Variants in PTPRC observed in about 807,000 individuals in gnomAD.
The protein encoded by PTPRC is protein tyrosine phosphatase receptor type C.
A neutral mutation model predicts 155.9 loss-of-function variants in PTPRC; 44 were observed. The observed-to-expected ratio is 0.28, with a 90% CI of 0.22 to 0.36. PTPRC has a LOEUF of 0.36. Among genes scored for constraint, PTPRC ranks in the 10% least tolerant of loss-of-function variants. PTPRC has a pLI of 1.00. For missense variants in PTPRC, 1,401 were observed against 1,564.6 expected (o/e 0.90, Z 1.76); for synonymous variants, 525 against 533.1 (o/e 0.98, Z 0.21).
intron 27 of PTPRC, among the ~76,000 whole-genome samples, chr1:198,748,776 C>T (rs1255684462): frequency 6.6e-6 from 1 of 151,602 alleles, no homozygotes; most frequent in African/African-American, 2.4e-5. Flanking sequence ...CTAAAATTAG[C>T]ATGGATAAAA....
intron 11 of PTPRC, among the ~76,000 whole-genome samples, chr1:198,712,144 T>G (rs1436570588): frequency 2.6e-5 from 4 of 152,240 alleles, no homozygotes; most frequent in Admixed American, 2.0e-4. Flanking sequence ...CAATAACTAC[T>G]GATAATTTTT....
At chr1:198,639,428 G>T in intron 2 of PTPRC, 87 bp downstream of exon 2, 2 of 1,079,114 alleles carry the variant, frequency 1.9e-6, no homozygotes, top group Non-Finnish European at 1.4e-6. Context: ...ATTTAAATGT[G>T]TTGGTAACTG....
At chr1:198,682,584 A>C (rs959065880) in intron 2 of PTPRC, among the ~76,000 whole-genome samples, 2 of 152,102 alleles carry the variant, frequency 1.3e-5, no homozygotes, top group Non-Finnish European at 2.9e-5. Context: ...TTCTATGGGG[A>C]GCTTCATTTA....
intron 25 of PTPRC, among the ~76,000 whole-genome samples, 194 bp downstream of exon 25, chr1:198,742,561 T>A (rs957428840): frequency 6.6e-6 from 1 of 151,836 alleles, no homozygotes; most frequent in Non-Finnish European, 1.5e-5. Flanking sequence ...AAAAGTACTG[T>A]GGAAGAAAGA....
intron 2 of PTPRC, among the ~76,000 whole-genome samples, chr1:198,651,292 TTGTGTGTG>T (rs67899145): frequency 6.8e-6 from 1 of 147,796 alleles, no homozygotes; most frequent in African/African-American, 2.5e-5. Flanking sequence ...CAGATTGGGA[TTGTGTGTG>T]TGTGTGTGTG....
At chr1:198,693,729 G>T (rs951794651) in intron 3 of PTPRC, among the ~76,000 whole-genome samples, 48 of 152,308 alleles carry the variant, frequency 3.2e-4, no homozygotes, top group African/African-American at 1.1e-3. Context: ...ATTGGCAATT[G>T]AGTCAGGTTT....
At chr1:198,708,687 A>G (rs10919559) in intron 10 of PTPRC, among the ~76,000 whole-genome samples, 2,021 of 152,358 alleles carry the variant, frequency 0.013, 51 homozygotes, top group African/African-American at 0.046. Context: ...TCCATCCTGC[A>G]TCAACAAAAT....
intron 17 of PTPRC, among the ~76,000 whole-genome samples, chr1:198,730,920 C>T (rs1654355893): frequency 6.6e-6 from 1 of 152,138 alleles, no homozygotes; most frequent in Non-Finnish European, 1.5e-5. Context: ...GAAACACTAT[C>T]AGTAGTACAT....
chr1:198,739,952 T>C (rs777402050), intron 23 of PTPRC, among the ~76,000 whole-genome samples: 28 of 151,852 alleles, frequency 1.8e-4, no homozygotes, highest in Non-Finnish European at 3.4e-4. Context: ...GAGTGAACAA[T>C]ATATTCCTCA....
At chr1:198,655,776 A>T (rs1663530780) in intron 2 of PTPRC, among the ~76,000 whole-genome samples, 2 of 152,072 alleles carry the variant, frequency 1.3e-5, no homozygotes, top group Non-Finnish European at 2.9e-5. Flanking sequence ...ACATTTACCC[A>T]ACCTGCTCTG....
rs529507326 is a variant in PTPRC, at chr1:198,725,296, A to G, written c.1720+2820A>G. ...TGTTTTCCTTAAAAGCTTGGTTCTT[A>G]TTGGTAGTCTAGTCATAGTCACAGT... is the stretch of plus-strand genomic sequence containing the variant. On this transcript the variant is annotated intron_variant, in intron 15 of 32. Transcript: ENST00000442510. Among the ~76,000 whole-genome samples the G allele has an allele frequency of 3.3e-5, 5 of 152,168 alleles. No individual in the cohort carries two copies. The South Asian group carries it at 1.0e-3, about 32-fold the overall frequency.
Position 198,735,213 on chromosome 1 carries a change from A to T in PTPRC, c.2364A>T (p.Arg788Ser). The T allele has an allele frequency of 6.2e-7, 1 of 1,604,260 alleles. No individual in the cohort carries two copies. The highest frequency in any genetic ancestry group is 8.5e-7 in the Non-Finnish European group (1 of 1,174,090). ...DVVVKINQHK[R>S]CPDYIIQKLN... Reference sequence around the variant, plus strand: ...TTGTAAAGATCAACCAGCACAAAAGATGTCCAGATTACATCATTCAGAAAT... The same window carrying T: ...TTGTAAAGATCAACCAGCACAAAAGTTGTCCAGATTACATCATTCAGAAAT... The change falls in exon 23 of 33, where the codon AGA (arginine) becomes AGT (serine). Residue 788 changes from arginine to serine, a missense_variant. Transcript: ENST00000442510.
chr1:198,730,056 CT>C (rs1444987851), intron 17 of PTPRC, among the ~76,000 whole-genome samples: 1 of 151,866 alleles, frequency 6.6e-6, no homozygotes, highest in African/African-American at 2.4e-5. Flanking sequence ...ATTTGTTTAT[CT>C]TTTTTTTCAA....
intron 2 of PTPRC, among the ~76,000 whole-genome samples, chr1:198,648,408 G>T (rs549172187): frequency 6.6e-6 from 1 of 151,538 alleles, no homozygotes; most frequent in African/African-American, 2.4e-5. Flanking sequence ...GGTCTTAATC[G>T]GGGTCTATCT....
intron 2 of PTPRC, among the ~76,000 whole-genome samples, chr1:198,691,785 A>G (rs972702466): frequency 6.6e-6 from 1 of 152,002 alleles, no homozygotes; most frequent in African/African-American, 2.4e-5. Flanking sequence ...TTACCAGCCA[A>G]CCACCAACTC....
intron 2 of PTPRC, among the ~76,000 whole-genome samples, chr1:198,689,496 T>A (rs762442652): frequency 3.9e-5 from 6 of 152,090 alleles, no homozygotes; most frequent in Non-Finnish European, 5.9e-5. Context: ...TCTGTGGAAT[T>A]AGTGGTGCAG....
chr1:198,670,466 A>T (rs1341449184), intron 2 of PTPRC, among the ~76,000 whole-genome samples: 6 of 152,158 alleles, frequency 3.9e-5, no homozygotes, highest in Non-Finnish European at 5.9e-5. Flanking sequence ...TACACAAAAA[A>T]TTTTAAAAAT....
Position 198,680,311 on chromosome 1 carries a change from G to A in PTPRC, c.74-12036G>A, listed in dbSNP as rs555454238. On this transcript the variant is annotated intron_variant, in intron 2 of 32. Coordinates refer to ENST00000442510, the MANE Select transcript of PTPRC (RefSeq NM_002838.5). ...CTACTGAAAATACAAATATTAGCCG[G>A]GTGTAGTGGCGCATGTTTGTAATCC... Among the ~76,000 whole-genome samples, 3 of 152,210 alleles carry A rather than the reference G, an allele frequency of 2.0e-5. No individual in the cohort carries two copies. In the East Asian group the frequency reaches 5.8e-4, roughly 29 times the overall value.
chr1:198,666,252 A>G (rs887020956), intron 2 of PTPRC, among the ~76,000 whole-genome samples: 5 of 151,858 alleles, frequency 3.3e-5, no homozygotes, highest in Admixed American at 2.6e-4. Context: ...AAAAAAAAAA[A>G]AAAAAAAAGA....
Sources: allele counts gnomAD v4.1 joint callset (sites outside exome capture counted in the v4.1 genomes callset), GRCh38; gene constraint gnomAD v4.1.1; transcripts MANE v1.5; gene names NCBI Gene and HGNC (gene_info 2026-07-23, HGNC 2026-07-21).